The following RAD51B variants were observed in gnomAD, a reference collection of about 807,000 sequenced individuals.
The protein encoded by RAD51B is DNA repair protein RAD51 homolog 2.
Under a neutral mutation model 42.2 loss-of-function variants are expected in RAD51B, and 38 were observed. The observed-to-expected ratio is 0.90, with a 90% CI of 0.70 to 1.18. The LOEUF (loss-of-function observed/expected upper bound fraction) is 1.18, where lower values mean the gene tolerates loss of function less well. Among genes scored for constraint, RAD51B ranks in the 50% most tolerant of loss-of-function variants. The pLI is 0.00. For missense variants in RAD51B, 373 were observed against 400.7 expected (o/e 0.93, Z 0.59); for synonymous variants, 154 against 145.2 (o/e 1.06, Z -0.43).
downstream of RAD51B, among the ~76,000 whole-genome samples, chr14:68,479,688 T>TTG (rs34627518): frequency 0.073 from 9,920 of 136,426 alleles, 883 homozygotes; most frequent in African/African-American, 0.2. Flanking sequence ...TTTTTTTTTT[T>TTG]GCCAGAGTCT....
At chr14:67,929,610 C>T (rs113247520) in intron 7 of RAD51B, among the ~76,000 whole-genome samples, 451 of 152,188 alleles carry the variant, frequency 3.0e-3, no homozygotes, top group Non-Finnish European at 5.5e-3. Context: ...TCTAAAGTCC[C>T]GTTTAAGTCT....
chr14:67,969,262 G>C (rs540916720), intron 7 of RAD51B, among the ~76,000 whole-genome samples: 14 of 152,288 alleles, frequency 9.2e-5, no homozygotes, highest in African/African-American at 3.1e-4. Context: ...TGCAAAAAAT[G>C]TTGCAATTGT....
chr14:68,627,729 ACTCCT>A (rs1892121802), intron 10 of RAD51B, among the ~76,000 whole-genome samples: 1 of 151,714 alleles, frequency 6.6e-6, no homozygotes, highest in Non-Finnish European at 1.5e-5. Context: ...CCCCCAACTC[ACTCCT>A]AGTCTACCCT....
chr14:68,217,153 G>T (rs1032965199), intron 7 of RAD51B, among the ~76,000 whole-genome samples: 1 of 152,142 alleles, frequency 6.6e-6, no homozygotes, highest in Admixed American at 6.5e-5. Flanking sequence ...CTCCCCTGCT[G>T]CTCTCCTAAG....
chr14:68,601,355 T>C (rs1314184482), intron 10 of RAD51B, among the ~76,000 whole-genome samples: 1 of 152,094 alleles, frequency 6.6e-6, no homozygotes, highest in African/African-American at 2.4e-5. Context: ...ACAGACTAGC[T>C]TTGTGACCTT....
intron 10 of RAD51B, among the ~76,000 whole-genome samples, chr14:68,608,550 C>T (rs1008269252): frequency 6.6e-6 from 1 of 152,190 alleles, no homozygotes; most frequent in African/African-American, 2.4e-5. Flanking sequence ...AGGAGGAGAG[C>T]AGCTGCAGGT....
chr14:68,087,841 A>G (rs1334486135), intron 7 of RAD51B, among the ~76,000 whole-genome samples: 1 of 133,872 alleles, frequency 7.5e-6, no homozygotes, highest in Non-Finnish European at 1.5e-5. Context: ...ATTTAATTAT[A>G]TAATTATTAT....
At chr14:68,176,393 A>G (rs193190002) in intron 7 of RAD51B, among the ~76,000 whole-genome samples, 1 of 152,274 alleles carries the variant, frequency 6.6e-6, no homozygotes, top group Non-Finnish European at 1.5e-5. Context: ...GTTCTCAAAG[A>G]CTTAGCTCTT....
chr14:68,561,975 C>T (rs1336407901), intron 10 of RAD51B: 1 of 985,268 alleles, frequency 1.0e-6, no homozygotes, highest in Non-Finnish European at 1.2e-6. Flanking sequence ...GCAATGTACA[C>T]GAGCTATTGT....
At chr14:68,139,246 A>C (rs1037299396) in intron 7 of RAD51B, among the ~76,000 whole-genome samples, 1 of 151,324 alleles carries the variant, frequency 6.6e-6, no homozygotes, top group African/African-American at 2.5e-5. Context: ...ATTTCAAAAC[A>C]TCTCTGGAGA....
intron 10 of RAD51B, among the ~76,000 whole-genome samples, chr14:68,539,634 A>G (rs1887844013): frequency 6.6e-6 from 1 of 152,224 alleles, no homozygotes; most frequent in Admixed American, 6.5e-5. Context: ...GGGCAGGGCA[A>G]GGCCCCAGCA....
chr14:68,012,727 AACTTTTTG>A (rs2075706065), intron 7 of RAD51B, among the ~76,000 whole-genome samples: 1 of 152,192 alleles, frequency 6.6e-6, no homozygotes, highest in Non-Finnish European at 1.5e-5. Context: ...ATTAAATCAT[AACTTTTTG>A]TGGTGCTTCT....
At chr14:68,454,645 C>T (rs1427703245) in intron 9 of RAD51B, among the ~76,000 whole-genome samples, 1 of 152,190 alleles carries the variant, frequency 6.6e-6, no homozygotes, top group Non-Finnish European at 1.5e-5. Context: ...ATTATTTGAC[C>T]TGTCCAACAG....
chr14:67,824,095 TG>T (rs2040727180), intron 2 of RAD51B, among the ~76,000 whole-genome samples: 1 of 152,340 alleles, frequency 6.6e-6, no homozygotes, highest in Admixed American at 6.5e-5. Flanking sequence ...TGGTTGTTTT[TG>T]TTCTTTGTTG....
chr14:68,402,088 C>T (rs2084122421), intron 8 of RAD51B, among the ~76,000 whole-genome samples: 1 of 152,170 alleles, frequency 6.6e-6, no homozygotes. Context: ...AGTTAGTGAA[C>T]CACAAGCCCT....
chr14:68,618,094 G>A (rs939693530), intron 10 of RAD51B, among the ~76,000 whole-genome samples: 1 of 152,230 alleles, frequency 6.6e-6, no homozygotes, highest in African/African-American at 2.4e-5. Context: ...TGCAAGCCAT[G>A]CAGGAACAGG....
intron 11 of RAD51B, among the ~76,000 whole-genome samples, chr14:68,668,713 G>T (rs1028689234): frequency 6.6e-6 from 1 of 152,220 alleles, no homozygotes; most frequent in African/African-American, 2.4e-5. Context: ...CTCACAGATG[G>T]CGGGCTGTTC....
At chr14:68,674,442 G>A (rs557339002) in intron 11 of RAD51B, among the ~76,000 whole-genome samples, 12 of 151,692 alleles carry the variant, frequency 7.9e-5, no homozygotes, top group Middle Eastern at 3.4e-3. Context: ...ATTATGTATC[G>A]TATAATATAT....
chr14:68,562,176 A>C, intron 10 of RAD51B: 1 of 985,446 alleles, frequency 1.0e-6, no homozygotes, highest in Non-Finnish European at 1.2e-6. Context: ...CTTACAACGC[A>C]TCAAATTTTC....
Sources: gnomAD v4.1 joint callset for allele counts (sites outside exome capture counted in the v4.1 genomes callset) on GRCh38, gnomAD v4.1.1 for gene constraint, MANE v1.5 for transcripts, NCBI Gene and HGNC (gene_info 2026-07-23, HGNC 2026-07-21) for gene names.